RICTOR: variants seen among roughly 807,000 people sequenced by gnomAD.
The protein encoded by RICTOR is rapamycin-insensitive companion of mTOR.
Under a neutral mutation model 214.9 loss-of-function variants are expected in RICTOR, and 49 were observed. That is an observed-to-expected ratio of 0.23 (90% CI 0.18 to 0.29). RICTOR has a LOEUF of 0.29. Ranked by LOEUF, RICTOR falls within the 10% of genes least tolerant of loss-of-function variation. The probability of loss-of-function intolerance (pLI) is 1.00; values close to 1 mark genes in which losing one functional copy is unlikely to be tolerated. For synonymous variants in RICTOR, 717 were observed against 711.3 expected (o/e 1.01, Z -0.13); for missense variants, 1,625 against 2,047.0 (o/e 0.79, Z 3.98).
At chr5:39,064,443 TA>T (rs1239961560) in intron 2 of RICTOR, among the ~76,000 whole-genome samples, 9 of 152,180 alleles carry the variant, frequency 5.9e-5, no homozygotes, top group African/African-American at 2.2e-4. Context: ...GAAAAGAACA[TA>T]AAATATTTTC....
At position 38,990,587 on chromosome 5, in the gene RICTOR, T is replaced by C. The variant is rs62359813; in HGVS notation, c.583+362A>G. Among the ~76,000 whole-genome samples, 715 of 82,828 alleles carry C rather than the reference T, an allele frequency of 8.6e-3. 99 individuals are homozygous for C. The highest frequency in any genetic ancestry group is 0.032 in the African/African-American group (669 of 20,672). The allele number at this position is 82,828 out of a possible 152,430, so 54.3% of individuals were successfully genotyped here. A position where few individuals can be genotyped will look rare whatever the true frequency, so the allele number is the denominator to read the frequency against. ...ATACACGATATATATGATATATACATGATATATACGATATATATGATATAT... is the reference window on the plus strand; with the variant it reads ...ATACACGATATATATGATATATACACGATATATACGATATATATGATATAT... On this transcript the variant is annotated intron_variant, in intron 7 of 37. Coordinates refer to ENST00000357387, the MANE Select transcript of RICTOR (RefSeq NM_152756.5).
intron 6 of RICTOR, among the ~76,000 whole-genome samples, chr5:38,993,517 C>G (rs990278550): frequency 2.0e-5 from 3 of 151,706 alleles, no homozygotes; most frequent in Non-Finnish European, 4.4e-5. Context: ...AGAACATTTC[C>G]AAATGAATGA....
chr5:38,956,141 G>A (rs1749242989), intron 25 of RICTOR, among the ~76,000 whole-genome samples: 1 of 151,968 alleles, frequency 6.6e-6, no homozygotes, highest in Non-Finnish European at 1.5e-5. Context: ...AAAATACCCA[G>A]AAAATGCGTC....
chr5:39,019,957 A>G (rs1474394140), intron 3 of RICTOR, among the ~76,000 whole-genome samples: 2 of 152,172 alleles, frequency 1.3e-5, no homozygotes, highest in African/African-American at 2.4e-5. Context: ...ATTTGGAAGA[A>G]GTTTATTCCA....
chr5:39,062,515 A>G (rs1271525989), intron 2 of RICTOR, among the ~76,000 whole-genome samples: 1 of 152,090 alleles, frequency 6.6e-6, no homozygotes, highest in African/African-American at 2.4e-5. Context: ...AAGTGTAATT[A>G]AAAATTTTAT....
chr5:39,028,817 G>C lies in RICTOR; in HGVS notation c.98-7681C>G, dbSNP rs1756057967. ...GGAGGCTGAGGCAGGAGGATCCCTT[G>C]AGCCCAGGTGTTTGAGGCTGCAGTG... On this transcript the variant is annotated intron_variant, in intron 2 of 37. Transcript: ENST00000357387. 1.3e-5 allele frequency among the ~76,000 whole-genome samples: 2 copies of C among 152,120 alleles called. 1 individual carries two copies. Among genetic ancestry groups the C allele is most frequent in the South Asian group, 4.1e-4 (2 of 4,834 alleles).
chr5:39,054,924 G>A (rs1414496258), intron 2 of RICTOR, among the ~76,000 whole-genome samples: 1 of 152,098 alleles, frequency 6.6e-6, no homozygotes, highest in African/African-American at 2.4e-5. Context: ...ACAATGTTTG[G>A]TTTTGCTATC....
chr5:39,012,487 T>C (rs896249746), intron 3 of RICTOR, among the ~76,000 whole-genome samples: 3 of 152,080 alleles, frequency 2.0e-5, no homozygotes, highest in Non-Finnish European at 2.9e-5. Context: ...CAAGAAGAAA[T>C]AGAAGAACAT....
chr5:39,062,350 A>T lies in RICTOR; in HGVS notation c.97+11761T>A, dbSNP rs140787183. On this transcript the variant is annotated intron_variant, in intron 2 of 37. Transcript: ENST00000357387. ...TAAGAGTTCACAGCTCACCTACCTC[A>T]AAATGTGTTTCCAACCACTGGAGTC... Among the ~76,000 whole-genome samples, 5 of 152,250 alleles carry T rather than the reference A, an allele frequency of 3.3e-5. No homozygotes were observed. In the East Asian group the frequency reaches 9.6e-4, roughly 29 times the overall value.
chr5:38,959,714 C>A, intron 21 of RICTOR, 65 bp downstream of exon 21: 1 of 1,022,002 alleles, frequency 9.8e-7, no homozygotes, highest in East Asian at 2.4e-5. Flanking sequence ...AAAAAGCATA[C>A]CATATCTAAC....
At position 38,947,138 on chromosome 5, in the gene RICTOR, C is replaced by T. The variant is rs966500505; in HGVS notation, c.4314+126G>A. 243 of 646,218 alleles carry T rather than the reference C, an allele frequency of 3.8e-4. 1 individual carries two copies. Among genetic ancestry groups the T allele is most frequent in the Non-Finnish European group, 4.6e-4 (168 of 367,740 alleles). The allele number at this position is 646,218 out of a possible 1,614,324, so 40.0% of individuals were successfully genotyped here. On this transcript the variant is annotated intron_variant, in intron 32 of 37. Transcript: ENST00000357387. ...AATCTTAAAGTTTCTTTAAACAAAA[C>T]GGTCTTAAAAATCATGCTGCCCCAA...
At chr5:39,040,596 T>C (rs1561052525) in intron 2 of RICTOR, among the ~76,000 whole-genome samples, 1 of 152,118 alleles carries the variant, frequency 6.6e-6, no homozygotes, top group Non-Finnish European at 1.5e-5. Flanking sequence ...TTTTAAACAA[T>C]GGTCCTTCCA....
At chr5:38,976,762 GAAGA>G (rs1347320563) in intron 9 of RICTOR, among the ~76,000 whole-genome samples, 1 of 152,052 alleles carries the variant, frequency 6.6e-6, no homozygotes, top group African/African-American at 2.4e-5. Context: ...CAGAAACTTA[GAAGA>G]AAGTACAGAA....
chr5:39,005,655 T>C (rs919535370), intron 3 of RICTOR, among the ~76,000 whole-genome samples: 2 of 152,216 alleles, frequency 1.3e-5, no homozygotes, highest in Non-Finnish European at 2.9e-5. Context: ...TGTTTTCCCT[T>C]TTGTTCTAGT....
At position 38,944,999 on chromosome 5, in the gene RICTOR, G is replaced by C. The variant is rs956442090; in HGVS notation, c.4703C>G (p.Ser1568Cys). Residue 1568 changes from serine to cysteine, a missense_variant, in exon 35 of 38, where the codon TCT becomes TGT. Coordinates refer to ENST00000357387, the MANE Select transcript of RICTOR (RefSeq NM_152756.5). ...GCATCCAGAAATCCCCGAAAACTTA[G>C]AGGGAACCACTTCTAAAGGATTATG... Reference protein sequence around the residue: ...TIHNPLEVVPSKFSGISGCSD... With the variant: ...TIHNPLEVVPCKFSGISGCSD... 6.2e-7 allele frequency: 1 copy of C among 1,613,100 alleles called. No individual in the cohort carries two copies. Among genetic ancestry groups the C allele is most frequent in the Non-Finnish European group, 8.5e-7 (1 of 1,179,110 alleles).
At chr5:38,973,968 A>T in intron 10 of RICTOR, among the ~76,000 whole-genome samples, 1 of 152,214 alleles carries the variant, frequency 6.6e-6, no homozygotes, top group East Asian at 1.9e-4. Context: ...CCACGAGACA[A>T]ATGCTTTCAA....
chr5:38,978,543 T>C (rs374875351), intron 9 of RICTOR, 40 bp downstream of exon 9: 29 of 1,008,634 alleles, frequency 2.9e-5, no homozygotes, highest in Non-Finnish European at 4.1e-5. Context: ...TATTAACATA[T>C]ACATTATCTT....
chr5:38,984,092 G>A (rs1172828192), intron 7 of RICTOR, among the ~76,000 whole-genome samples: 3 of 151,674 alleles, frequency 2.0e-5, no homozygotes, highest in Non-Finnish European at 4.4e-5. Flanking sequence ...AGTTTTTTTG[G>A]AGCAATTATT....
chr5:39,028,274 A>C (rs913864656), intron 2 of RICTOR, among the ~76,000 whole-genome samples: 6 of 136,036 alleles, frequency 4.4e-5, no homozygotes, highest in African/African-American at 1.7e-4. Flanking sequence ...GCTCCGCCTC[A>C]CGGGTTCACG....
Sources: gnomAD v4.1 joint callset for allele counts (sites outside exome capture counted in the v4.1 genomes callset) on GRCh38, gnomAD v4.1.1 for gene constraint, MANE v1.5 for transcripts, NCBI Gene and HGNC (gene_info 2026-07-23, HGNC 2026-07-21) for gene names.